The following GRM7 variants were observed in gnomAD, a reference collection of about 807,000 sequenced individuals.
GRM7 encodes metabotropic glutamate receptor 7.
Under a neutral mutation model 84.5 loss-of-function variants are expected in GRM7, and 35 were observed. The observed-to-expected ratio is 0.41, with a 90% CI of 0.32 to 0.55. The LOEUF is 0.55. Among genes scored for constraint, GRM7 ranks in the 20% least tolerant of loss-of-function variants. The probability of loss-of-function intolerance (pLI) is 0.19; values close to 1 mark genes in which losing one functional copy is unlikely to be tolerated. For missense variants in GRM7, 1,003 were observed against 1,194.6 expected (o/e 0.84, Z 2.36); for synonymous variants, 487 against 455.1 (o/e 1.07, Z -0.89).
intron 2 of GRM7, among the ~76,000 whole-genome samples, chr3:7,234,227 AC>A (rs2124906452): frequency 6.6e-6 from 1 of 152,276 alleles, no homozygotes; most frequent in Admixed American, 6.5e-5. Context: ...ACCAAATTTG[AC>A]CTTTTAATGT....
At chr3:6,953,051 C>G (rs1031784776) in intron 1 of GRM7, among the ~76,000 whole-genome samples, 1 of 152,132 alleles carries the variant, frequency 6.6e-6, no homozygotes, top group East Asian at 1.9e-4. Context: ...CAACAGTTCT[C>G]TATATTTTAG....
intron 2 of GRM7, among the ~76,000 whole-genome samples, chr3:7,153,191 G>A (rs1042740226): frequency 4.2e-5 from 4 of 95,672 alleles, no homozygotes; most frequent in African/African-American, 8.4e-5. Flanking sequence ...CTTTGTTTCT[G>A]CTTATTTTCT....
At chr3:7,532,887 A>AG (rs1701097920) in intron 7 of GRM7, among the ~76,000 whole-genome samples, 1 of 151,796 alleles carries the variant, frequency 6.6e-6, no homozygotes, top group Admixed American at 6.6e-5. Flanking sequence ...AAAAAAAAAA[A>AG]AAAGACAAAG....
At chr3:7,154,829 T>G (rs1005831811) in intron 2 of GRM7, among the ~76,000 whole-genome samples, 1 of 152,134 alleles carries the variant, frequency 6.6e-6, no homozygotes, top group Admixed American at 6.6e-5. Flanking sequence ...TCTTCCCTTT[T>G]TAAGGAAGAT....
intron 1 of GRM7, among the ~76,000 whole-genome samples, chr3:6,917,904 TC>T (rs1442972921): frequency 1.3e-5 from 2 of 152,126 alleles, no homozygotes; most frequent in African/African-American, 4.8e-5. Context: ...CTTTACCTCT[TC>T]ATTAAAGGGA....
intron 2 of GRM7, among the ~76,000 whole-genome samples, chr3:7,233,844 C>T (rs1279052184): frequency 1.3e-5 from 2 of 152,156 alleles, no homozygotes; most frequent in Non-Finnish European, 2.9e-5. Context: ...GATCCTTCCC[C>T]TCCCCAACTT....
At chr3:7,738,851 T>G (rs903623592) in intron 9 of GRM7, among the ~76,000 whole-genome samples, 2 of 152,046 alleles carry the variant, frequency 1.3e-5, no homozygotes, top group African/African-American at 4.8e-5. Context: ...GAAAATAAGA[T>G]TCAGAGTCAA....
At chr3:6,931,505 C>T (rs1020426648) in intron 1 of GRM7, among the ~76,000 whole-genome samples, 2 of 152,082 alleles carry the variant, frequency 1.3e-5, no homozygotes, top group African/African-American at 4.8e-5. Flanking sequence ...CCATTAATTC[C>T]TGCCCATCCT....
At chr3:6,890,454 A>G (rs922679598) in intron 1 of GRM7, among the ~76,000 whole-genome samples, 4 of 152,108 alleles carry the variant, frequency 2.6e-5, no homozygotes, top group Non-Finnish European at 5.9e-5. Flanking sequence ...TTGGTTTCAA[A>G]GATCATCTTT....
At chr3:7,005,164 A>G (rs1695140117) in intron 1 of GRM7, among the ~76,000 whole-genome samples, 1 of 152,122 alleles carries the variant, frequency 6.6e-6, no homozygotes, top group African/African-American at 2.4e-5. Context: ...CAGATACTGG[A>G]TGCTGGTCAT....
At chr3:7,491,630 T>G (rs1254237786) in intron 7 of GRM7, among the ~76,000 whole-genome samples, 2 of 152,192 alleles carry the variant, frequency 1.3e-5, no homozygotes, top group African/African-American at 4.8e-5. Flanking sequence ...GCTTTTAAAC[T>G]TACCAGATGA....
chr3:7,623,279 G>C (rs1018018894), intron 8 of GRM7, among the ~76,000 whole-genome samples: 1 of 152,146 alleles, frequency 6.6e-6, no homozygotes, highest in African/African-American at 2.4e-5. Flanking sequence ...GGAGAACAGT[G>C]TGCAGAATTG....
At chr3:7,472,325 G>A (rs1023856665) in intron 7 of GRM7, among the ~76,000 whole-genome samples, 2 of 152,242 alleles carry the variant, frequency 1.3e-5, no homozygotes, top group African/African-American at 4.8e-5. Context: ...TCACATAATT[G>A]TGTAAATAGG....
chr3:7,047,851 C>A (rs1696856730), intron 1 of GRM7, among the ~76,000 whole-genome samples: 1 of 151,970 alleles, frequency 6.6e-6, no homozygotes, highest in Non-Finnish European at 1.5e-5. Flanking sequence ...ATGGTTTTCT[C>A]TCAAAAACCT....
At chr3:7,169,556 A>G (rs1176815940) in intron 2 of GRM7, among the ~76,000 whole-genome samples, 1 of 152,196 alleles carries the variant, frequency 6.6e-6, no homozygotes, top group Non-Finnish European at 1.5e-5. Flanking sequence ...TTTATCTGAA[A>G]TGGGATAAAA....
At chr3:7,417,434 C>T (rs1043123959) in intron 5 of GRM7, among the ~76,000 whole-genome samples, 2 of 151,890 alleles carry the variant, frequency 1.3e-5, no homozygotes, top group African/African-American at 4.8e-5. Flanking sequence ...TGATAGTATT[C>T]CAAAAAATAC....
chr3:6,903,543 A>G (rs1459168467), intron 1 of GRM7, among the ~76,000 whole-genome samples: 4 of 152,038 alleles, frequency 2.6e-5, no homozygotes, highest in African/African-American at 9.7e-5. Context: ...CTTATCCATT[A>G]CCCTAGTGAT....
chr3:6,861,344 C>T lies in GRM7; in HGVS notation c.-45C>T, dbSNP rs1192553621. The T allele has an allele frequency of 2.7e-6, 4 of 1,456,818 alleles. No homozygotes were observed. The highest frequency in any genetic ancestry group is 2.7e-6 in the Non-Finnish European group (3 of 1,113,912). 90.2% of individuals were successfully genotyped at this position (1,456,818 alleles called of 1,614,324 possible). A position where few individuals can be genotyped will look rare whatever the true frequency, so the allele number is the denominator to read the frequency against. On this transcript the variant is annotated 5_prime_UTR_variant, in exon 1 of 10. Transcript: ENST00000357716. This position sits in a 1 kb window ranked among gnomAD's most constrained non-coding sequence, Gnocchi z 6.4. ...GCCCGGACCTCGGCGAGCCCACCAC[C>T]GTTCCCTCCAGCGCCGCCGCCGCCA...
intron 4 of GRM7, among the ~76,000 whole-genome samples, chr3:7,411,111 A>T (rs755112335): frequency 6.6e-6 from 1 of 152,066 alleles, no homozygotes; most frequent in Non-Finnish European, 1.5e-5. Context: ...TCTCTTCTGT[A>T]TGTATCTTAT....
Sources: gnomAD v4.1 joint callset for allele counts (sites outside exome capture counted in the v4.1 genomes callset) on GRCh38, gnomAD v4.1.1 for gene constraint, Gnocchi (gnomAD v3.1) non-coding constraint, MANE v1.5 for transcripts, NCBI Gene and HGNC (gene_info 2026-07-23, HGNC 2026-07-21) for gene names.